PRKAR1B: variants seen among roughly 807,000 people sequenced by gnomAD.
PRKAR1B encodes the protein cAMP-dependent protein kinase type I-beta regulatory subunit.
PRKAR1B carries 22 observed loss-of-function variants against 46.5 expected under a neutral mutation model. That is an observed-to-expected ratio of 0.47 (90% confidence interval 0.34 to 0.68). The LOEUF is 0.68. Ranked by LOEUF, PRKAR1B falls within the 30% of genes least tolerant of loss-of-function variation. PRKAR1B has a pLI of 0.01. For synonymous variants in PRKAR1B, 259 were observed against 217.7 expected, an observed-to-expected ratio of 1.19 and a Z score of -1.67; for missense variants, 445 against 535.6, an observed-to-expected ratio of 0.83 and a Z score of 1.67.
intron 4 of PRKAR1B, among the ~76,000 whole-genome samples, chr7:625,587 G>A (rs534045456): frequency 6.4e-4 from 93 of 145,892 alleles, no homozygotes; most frequent in Non-Finnish European, 1.2e-3. Context: ...AAGGGGCACC[G>A]CTACAGGTCC....
At position 551,424 on chromosome 7, in the gene PRKAR1B, A is replaced by C; in HGVS notation, c.938T>G (p.Val313Gly). 1 of 1,560,470 alleles carries C rather than the reference A, an allele frequency of 6.4e-7. No homozygotes were observed. Among genetic ancestry groups the C allele is most frequent in the Non-Finnish European group, 8.7e-7 (1 of 1,152,102 alleles). The stretch of plus-strand genomic sequence containing the variant: ...AGAGGGTCCCAGGCGCCCCACCTCC[A>C]CGTACTCCTCATTGGGGGACCGGCG... Reference protein sequence around the residue: ...LQRRSPNEEYVEVGRLGPSDY... With the variant: ...LQRRSPNEEYGEVGRLGPSDY... Residue 313 changes from valine to glycine, a missense_variant, in exon 10 of 11, where the codon GTG becomes GGG. Around this residue, in one of 5 missense-constraint regions of PRKAR1B, gnomAD observed 127 missense variants for 138.0 expected, o/e 0.92. Transcript: ENST00000537384.
At position 687,818 on chromosome 7, in the gene PRKAR1B, G is replaced by A. The variant is rs186982685; in HGVS notation, c.178-7092C>T. ...GCCAGAAAAAAAGGCATTACCGGCC[G>A]GGCATGGTGGCTCATGCCTGTAATC... On this transcript the variant is annotated intron_variant, in intron 2 of 10. Transcript: ENST00000537384. Among the ~76,000 whole-genome samples, 479 of 152,284 alleles carry A rather than the reference G, an allele frequency of 3.1e-3. 9 individuals are homozygous for A. Among genetic ancestry groups the A allele is most frequent in the Admixed American group, 0.03 (452 of 15,282 alleles).
chr7:696,285 A>T (rs1779736180), intron 2 of PRKAR1B, among the ~76,000 whole-genome samples: 1 of 138,544 alleles, frequency 7.2e-6, no homozygotes, highest in Non-Finnish European at 1.5e-5. Flanking sequence ...TTTTTTTTTA[A>T]AGAAAGATGG....
chr7:607,517 C>T, intron 4 of PRKAR1B, 65 bp from the exon 5 acceptor site: 2 of 1,347,484 alleles, frequency 1.5e-6, no homozygotes, highest in Non-Finnish European at 2.1e-6. Flanking sequence ...CCCTTCCTCC[C>T]CTCATTTCAC....
chr7:724,508 C>T (rs1781181481), intron 1 of PRKAR1B, among the ~76,000 whole-genome samples: 1 of 152,216 alleles, frequency 6.6e-6, no homozygotes, highest in Non-Finnish European at 1.5e-5. Flanking sequence ...CATTGTGAGG[C>T]CTCCCCAGCC....
chr7:660,179 C>A (rs182860288), intron 4 of PRKAR1B, among the ~76,000 whole-genome samples: 1 of 151,966 alleles, frequency 6.6e-6, no homozygotes, highest in Non-Finnish European at 1.5e-5. Context: ...AGCCTTCTCC[C>A]GGCTCCATGT....
At chr7:591,118 C>T (rs1444628982) in intron 7 of PRKAR1B, among the ~76,000 whole-genome samples, 3 of 152,272 alleles carry the variant, frequency 2.0e-5, no homozygotes, top group East Asian at 3.8e-4. Flanking sequence ...ATTAAAGCCT[C>T]GTGCACCCGT....
At chr7:552,156 GCCACCA>G (rs1784260591) in intron 9 of PRKAR1B, among the ~76,000 whole-genome samples, 1 of 77,986 alleles carries the variant, frequency 1.3e-5, no homozygotes, top group Admixed American at 1.4e-4. Context: ...CAGAGCCACT[GCCACCA>G]CCACGTCACC....
rs1044657697 is a variant in PRKAR1B, at chr7:667,993, G to A, written c.440+9236C>T. Among the ~76,000 whole-genome samples the A allele has an allele frequency of 3.9e-5, 6 of 152,076 alleles. No individual in the cohort carries two copies. The highest frequency in any genetic ancestry group is 1.3e-4 in the Admixed American group (2 of 15,266). On this transcript the variant is annotated intron_variant, in intron 4 of 10. Coordinates refer to ENST00000537384, the MANE Select transcript of PRKAR1B (RefSeq NM_001164760.2). The surrounding 1 kb of genome is among the most constrained non-coding windows in gnomAD (Gnocchi z 4.3). ...CCTTCTCCAAGCTTACGTATCTCTCGCACAACCTTATGTATCTCCCACACT... is the reference window on the plus strand; with the variant it reads ...CCTTCTCCAAGCTTACGTATCTCTCACACAACCTTATGTATCTCCCACACT...
In PRKAR1B at chr7:684,259, T is replaced by C. The variant is rs548613763; in HGVS notation, c.178-3533A>G. On this transcript the variant is annotated intron_variant, in intron 2 of 10. Transcript: ENST00000537384. ...TCCTCAAACACCTATCAGATGCTAA[T>C]TGCCCAGCCGGGAAGACGCTGAGTA... is the stretch of plus-strand genomic sequence containing the variant. Among the ~76,000 whole-genome samples, 327 of 152,332 alleles carry C rather than the reference T, an allele frequency of 2.1e-3. 3 individuals carry two copies. The highest frequency in any genetic ancestry group is 7.5e-3 in the African/African-American group (310 of 41,568).
intron 4 of PRKAR1B, among the ~76,000 whole-genome samples, chr7:649,509 G>A (rs892793305): frequency 2.0e-5 from 3 of 152,052 alleles, no homozygotes; most frequent in Non-Finnish European, 4.4e-5. Context: ...AGCTATTTTC[G>A]AAATACATCA....
chr7:611,239 C>T (rs1341743803), intron 4 of PRKAR1B, among the ~76,000 whole-genome samples: 1 of 152,242 alleles, frequency 6.6e-6, no homozygotes, highest in African/African-American at 2.4e-5. Context: ...CCGAGCAGAG[C>T]ATGTGCCTCC....
At chr7:559,857 C>T (rs1276633844) in intron 9 of PRKAR1B, among the ~76,000 whole-genome samples, 3 of 152,204 alleles carry the variant, frequency 2.0e-5, no homozygotes, top group Non-Finnish European at 4.4e-5. Flanking sequence ...AGGAAGATTC[C>T]TTGAGCCCAG....
chr7:651,335 C>G (rs1217900135), intron 4 of PRKAR1B, among the ~76,000 whole-genome samples: 2 of 152,222 alleles, frequency 1.3e-5, no homozygotes, highest in African/African-American at 4.8e-5. Context: ...ACAAAGCCAG[C>G]CTGAAAATTC....
At chr7:601,518 A>T (rs528694192) in intron 6 of PRKAR1B, among the ~76,000 whole-genome samples, 1 of 152,328 alleles carries the variant, frequency 6.6e-6, no homozygotes, top group East Asian at 1.9e-4. Flanking sequence ...GATTCCCTTA[A>T]ATGTGGCCTT....
intron 6 of PRKAR1B, 105 bp from the exon 7 acceptor site, chr7:596,409 G>A (rs781661721): frequency 7.4e-6 from 10 of 1,351,230 alleles, no homozygotes; most frequent in African/African-American, 5.8e-5. Flanking sequence ...GAGGGTCCCC[G>A]CAGGGCGGGG....
At chr7:612,546 G>T (rs1470590993) in intron 4 of PRKAR1B, among the ~76,000 whole-genome samples, 1 of 152,036 alleles carries the variant, frequency 6.6e-6, no homozygotes, top group Non-Finnish European at 1.5e-5. Flanking sequence ...TGGATGGATA[G>T]ATGGATGGAT....
At chr7:559,808 G>T (rs949754632) in intron 9 of PRKAR1B, among the ~76,000 whole-genome samples, 4 of 152,140 alleles carry the variant, frequency 2.6e-5, no homozygotes, top group African/African-American at 7.2e-5. Context: ...GGGCACGGTG[G>T]CTCACACCTG....
intron 9 of PRKAR1B, chr7:565,284 G>A (rs977274039): frequency 3.9e-5 from 6 of 152,160 alleles, no homozygotes; most frequent in African/African-American, 1.4e-4. Context: ...TGGAAATCTG[G>A]GACACCAAGG....
Sources: allele counts gnomAD v4.1 joint callset (sites outside exome capture counted in the v4.1 genomes callset), GRCh38; gene constraint gnomAD v4.1.1; regional missense constraint gnomAD v4.1.1; non-coding constraint Gnocchi (gnomAD v3.1); transcripts MANE v1.5; gene names NCBI Gene and HGNC (gene_info 2026-07-23, HGNC 2026-07-21).